The following DNHD1 variants were observed in gnomAD, a reference collection of about 807,000 sequenced individuals.
The protein encoded by DNHD1 is dynein heavy chain domain-containing protein 1.
A neutral mutation model predicts 458.1 loss-of-function variants in DNHD1; 383 were observed. The observed-to-expected ratio is 0.84, with a 90% CI of 0.77 to 0.91. The LOEUF (loss-of-function observed/expected upper bound fraction) is 0.91, where lower values mean the gene tolerates loss of function less well. DNHD1 is among the 40% of genes least tolerant of loss of function. The probability of loss-of-function intolerance (pLI) is 0.00; values close to 1 mark genes in which losing one functional copy is unlikely to be tolerated. For missense variants in DNHD1, 5,336 were observed against 5,866.1 expected (o/e 0.91, Z 2.95); for synonymous variants, 2,203 against 2,376.9 (o/e 0.93, Z 2.13).
chr11:6,532,906 TA>T, intron 12 of DNHD1, 120 bp from the exon 13 acceptor site: 4 of 914,036 alleles, frequency 4.4e-6, no homozygotes, highest in Non-Finnish European at 4.9e-6. Context: ...CAACAAGCAT[TA>T]AATGAGATAA....
chr11:6,531,684 C>G (rs1195240868), intron 12 of DNHD1, among the ~76,000 whole-genome samples: 1 of 152,100 alleles, frequency 6.6e-6, no homozygotes, highest in Non-Finnish European at 1.5e-5. Context: ...AGCAGGTTTT[C>G]TTATTATCAG....
chr11:6,529,193 T>A, intron 12 of DNHD1, 72 bp downstream of exon 12: 1 of 1,507,104 alleles, frequency 6.6e-7, no homozygotes, highest in African/African-American at 1.4e-5. Context: ...GCCTTGGTCC[T>A]GGAATGTCCT....
intron 28 of DNHD1, among the ~76,000 whole-genome samples, chr11:6,560,983 C>CTATTCTT (rs1408583964): frequency 6.6e-6 from 1 of 152,140 alleles, no homozygotes; most frequent in Non-Finnish European, 1.5e-5. Flanking sequence ...TCTGAGGTAG[C>CTATTCTT]TATTCTTTTC....
chr11:6,568,596 A>G lies in DNHD1; in HGVS notation c.12661+20A>G, dbSNP rs1589899477. On this transcript the variant is annotated intron_variant, in intron 38 of 42. Transcript: ENST00000254579. ...TGCCAGGTGAGGAGCTTAACCCCCT[A>G]CAGGCTCTCAAATTGGAAGTGGGAG... is the stretch of plus-strand genomic sequence containing the variant. The G allele has an allele frequency of 1.9e-6, 3 of 1,613,688 alleles. No individual in the cohort carries two copies. The highest frequency in any genetic ancestry group is 1.7e-5 in the Admixed American group (1 of 59,992).
chr11:6,564,905 G>A (rs1853664978), intron 32 of DNHD1, 101 bp downstream of exon 32: 19 of 1,067,092 alleles, frequency 1.8e-5, no homozygotes, highest in Non-Finnish European at 2.5e-5. Flanking sequence ...CTGTATTTTT[G>A]TGATCAGGAT....
At chr11:6,526,396 G>A (rs1434388471) in intron 10 of DNHD1, among the ~76,000 whole-genome samples, 3 of 151,578 alleles carry the variant, frequency 2.0e-5, no homozygotes, top group African/African-American at 7.3e-5. Flanking sequence ...GTTTTGCTCT[G>A]GTTTTTGACA....
In DNHD1 at chr11:6,547,068, A is replaced by G; in HGVS notation, c.6129A>G (p.Gly2043=). ...PSGLSPQEFL[G]WLEGSCWHHG... The stretch of plus-strand genomic sequence containing the variant: ...GCCTCAGCCCCCAGGAGTTCCTGGG[A>G]TGGCTAGAGGGCTCCTGCTGGCATC... The change falls in exon 21 of 43, where the codon GGA becomes GGG. Residue 2043 remains glycine (G), a synonymous_variant. Transcript: ENST00000254579. 6.4e-7 allele frequency: 1 copy of G among 1,551,662 alleles called. No homozygotes were observed. Among genetic ancestry groups the G allele is most frequent in the Non-Finnish European group, 8.7e-7 (1 of 1,146,976 alleles).
intron 3 of DNHD1, among the ~76,000 whole-genome samples, chr11:6,499,966 T>TTTC (rs1852102575): frequency 1.0e-4 from 1 of 9,542 alleles, no homozygotes; most frequent in South Asian, 3.5e-3. Flanking sequence ...TAACTTTCGA[T>TTTC]TTTTTTTTTT....
intron 16 of DNHD1, 94 bp from the exon 17 acceptor site, chr11:6,539,125 C>A: frequency 2.4e-6 from 2 of 837,528 alleles, no homozygotes; most frequent in Admixed American, 2.1e-5. Context: ...GGGGTCTGAG[C>A]TGGGCTGGGC....
intron 3 of DNHD1, 89 bp from the exon 4 acceptor site, chr11:6,502,664 C>G (rs1852162025): frequency 7.8e-7 from 1 of 1,285,280 alleles, no homozygotes; most frequent in African/African-American, 1.5e-5. Flanking sequence ...ATCTAGTCCT[C>G]CTTTCACTAG....
intron 9 of DNHD1, 42 bp downstream of exon 9, chr11:6,520,144 GTTCCTATC>G: frequency 6.2e-7 from 1 of 1,613,862 alleles, no homozygotes; most frequent in Non-Finnish European, 8.5e-7. Context: ...GGAATTCCCA[GTTCCTATC>G]CTCTGAGTAA....
chr11:6,542,396 T>C (rs1360409278), intron 18 of DNHD1, among the ~76,000 whole-genome samples: 1 of 152,260 alleles, frequency 6.6e-6, no homozygotes, highest in Admixed American at 6.5e-5. Flanking sequence ...GGCCTTGGGA[T>C]GCCTGTGGGC....
At chr11:6,512,454 C>T (rs570672996) in intron 7 of DNHD1, among the ~76,000 whole-genome samples, 11 of 151,768 alleles carry the variant, frequency 7.2e-5, no homozygotes, top group African/African-American at 2.2e-4. Context: ...GATCTCCTGA[C>T]CTTGTGATCC....
rs1406774705 is a variant in DNHD1, at chr11:6,571,434, G to T, written c.13911+11G>T. 1 of 1,569,942 alleles carries T rather than the reference G, an allele frequency of 6.4e-7. No homozygotes were observed. Among genetic ancestry groups the T allele is most frequent in the Non-Finnish European group, 8.7e-7 (1 of 1,153,558 alleles). ...CCTCTGCACTTCAGGGTATCTTCGC[G>T]CCGCCCCTCGTTCGCGGTTCCAGTC... is the stretch of plus-strand genomic sequence containing the variant. On this transcript the variant is annotated intron_variant, in intron 42 of 42. Transcript: ENST00000254579. This position sits in a 1 kb window ranked among gnomAD's most constrained non-coding sequence, Gnocchi z 5.0.
intron 1 of DNHD1, 27 bp from the exon 2 acceptor site, chr11:6,497,554 TCGAG>T (rs1852052180): frequency 6.5e-6 from 1 of 152,886 alleles, no homozygotes. Flanking sequence ...TCTGCTGCCT[TCGAG>T]TGACGACCTG....
At chr11:6,562,838 G>A (rs892271111) in intron 28 of DNHD1, 144 bp from the exon 29 acceptor site, 2 of 905,814 alleles carry the variant, frequency 2.2e-6, no homozygotes, top group East Asian at 2.7e-5. Flanking sequence ...CCAGAGCTCA[G>A]CCTCTCTCTG....
At position 6,533,875 on chromosome 11, in the gene DNHD1, C is replaced by T. The variant is rs1412263402; in HGVS notation, c.2700C>T (p.His900=). 1.9e-6 allele frequency: 3 copies of T among 1,551,274 alleles called. No individual in the cohort carries two copies. The Admixed American group carries it at 5.9e-5, about 30-fold the overall frequency. The change falls in exon 14 of 43, where the codon CAC becomes CAT. Residue 900 remains histidine (H), a synonymous_variant. Coordinates refer to ENST00000254579, the MANE Select transcript of DNHD1 (RefSeq NM_144666.3). The stretch of plus-strand genomic sequence containing the variant: ...CTCCCCCACAACCACATCTACTCCA[C>T]TGCCCTCTGCTTGCCCCACAGCTTC... ...CPPPPQPHLL[H]CPLLAPQLLD...
At position 6,571,289 on chromosome 11, in the gene DNHD1, C is replaced by G. The variant is rs753677219; in HGVS notation, c.13777C>G (p.Leu4593Val). The G allele has an allele frequency of 1.1e-5, 18 of 1,612,542 alleles. No individual in the cohort carries two copies. The Admixed American group carries it at 1.2e-4, about 10-fold the overall frequency. Residue 4593 changes from leucine to valine, a missense_variant, in exon 42 of 43, where the codon CTG (leucine) becomes GTG (valine). By Grantham distance (32) the Leu-to-Val change is conservative. This residue lies in a region of DNHD1 where 698 missense variants were observed against 664.9 expected (regional missense o/e 1.05). Coordinates refer to ENST00000254579, the MANE Select transcript of DNHD1 (RefSeq NM_144666.3). This position sits in a 1 kb window ranked among gnomAD's most constrained non-coding sequence, Gnocchi z 5.0. ...AGCCTTTCGCCACCCGCGCCGCCTG[C>G]TGCTGGCATTGCGTGGGGAAGCTGC... Reference protein sequence around the residue: ...LSAFRHPRRLLLALRGEAALD... With the variant: ...LSAFRHPRRLVLALRGEAALD...
rs568453824 is a variant in DNHD1, at chr11:6,563,147, C to A, written c.9669+16C>A. 4 of 1,551,580 alleles carry A rather than the reference C, an allele frequency of 2.6e-6. No individual in the cohort carries two copies. The highest frequency in any genetic ancestry group is 1.4e-5 in the African/African-American group (1 of 73,142). On this transcript the variant is annotated intron_variant, in intron 29 of 42. Coordinates refer to ENST00000254579, the MANE Select transcript of DNHD1 (RefSeq NM_144666.3). ...CCTGGAGCAGGTGGGCTCTTCCTGC[C>A]GCCTGCCCTGCACTGCTCCTCTCTC...
Sources: allele counts gnomAD v4.1 joint callset (sites outside exome capture counted in the v4.1 genomes callset), GRCh38; gene constraint gnomAD v4.1.1; regional missense constraint gnomAD v4.1.1; non-coding constraint Gnocchi (gnomAD v3.1); transcripts MANE v1.5; gene names NCBI Gene and HGNC (gene_info 2026-07-23, HGNC 2026-07-21).